Variants in SH3RF3 observed in about 807,000 individuals in gnomAD.
SH3RF3 encodes SH3 domain containing ring finger 3.
Under a neutral mutation model 66.3 loss-of-function variants are expected in SH3RF3, and 29 were observed. That is an observed-to-expected ratio of 0.44 (90% CI 0.33 to 0.60). SH3RF3 has a LOEUF of 0.60. Among genes scored for constraint, SH3RF3 ranks in the 20% least tolerant of loss-of-function variants. The pLI is 0.04. For missense variants in SH3RF3, 1,194 were observed against 1,190.9 expected, an observed-to-expected ratio of 1.00 and a Z score of -0.04; for synonymous variants, 583 against 532.0, an observed-to-expected ratio of 1.10 and a Z score of -1.32.
At chr2:109,481,569 A>G (rs976697304) in intron 8 of SH3RF3, among the ~76,000 whole-genome samples, 2 of 152,004 alleles carry the variant, frequency 1.3e-5, no homozygotes, top group African/African-American at 4.8e-5. Flanking sequence ...GTCCCATTGC[A>G]TCTTCCCTCT....
At chr2:109,269,888 C>T (rs866910185) in intron 1 of SH3RF3, among the ~76,000 whole-genome samples, 1 of 152,326 alleles carries the variant, frequency 6.6e-6, no homozygotes, top group African/African-American at 2.4e-5. Flanking sequence ...ATCCTCAGTC[C>T]CAGTGTCCCC....
chr2:109,259,951 C>T (rs1558987443), intron 1 of SH3RF3, among the ~76,000 whole-genome samples: 1 of 152,152 alleles, frequency 6.6e-6, no homozygotes, highest in Non-Finnish European at 1.5e-5. Context: ...TATCCATGTT[C>T]TCAGACGCCC....
At chr2:109,408,890 G>A (rs1332215802) in intron 4 of SH3RF3, among the ~76,000 whole-genome samples, 5 of 152,208 alleles carry the variant, frequency 3.3e-5, no homozygotes, top group Middle Eastern at 3.2e-3. Flanking sequence ...TACCATCAGA[G>A]GCAACAGGCG....
At chr2:109,356,931 G>T (rs1409844120) in intron 2 of SH3RF3, among the ~76,000 whole-genome samples, 3 of 152,112 alleles carry the variant, frequency 2.0e-5, no homozygotes, top group Admixed American at 6.5e-5. Flanking sequence ...GCCATGACTC[G>T]GTTCTGGACT....
At chr2:109,362,780 T>A (rs754517950) in intron 2 of SH3RF3, among the ~76,000 whole-genome samples, 3 of 152,240 alleles carry the variant, frequency 2.0e-5, no homozygotes, top group Non-Finnish European at 4.4e-5. Flanking sequence ...TAAGGATTAT[T>A]ATGTCTTCTT....
chr2:109,492,857 G>T (rs984878411), intron 9 of SH3RF3, among the ~76,000 whole-genome samples: 1 of 152,084 alleles, frequency 6.6e-6, no homozygotes, highest in African/African-American at 2.4e-5. Flanking sequence ...TCCAGGGGCT[G>T]CACCATTGTT....
At chr2:109,339,237 C>G (rs544097708) in intron 1 of SH3RF3, among the ~76,000 whole-genome samples, 41 of 144,220 alleles carry the variant, frequency 2.8e-4, no homozygotes, top group African/African-American at 1.0e-3. Flanking sequence ...TAAGTAGACC[C>G]TTGCAGTTTA....
At chr2:109,373,242 C>T (rs1272671909) in intron 3 of SH3RF3, among the ~76,000 whole-genome samples, 1 of 152,208 alleles carries the variant, frequency 6.6e-6, no homozygotes, top group African/African-American at 2.4e-5. Context: ...ACTTAATGCG[C>T]GAATACCACT....
intron 2 of SH3RF3, among the ~76,000 whole-genome samples, chr2:109,349,929 C>T (rs570299051): frequency 4.6e-5 from 7 of 152,338 alleles, no homozygotes; most frequent in Admixed American, 1.3e-4. Context: ...AGAAACATAC[C>T]GGGCCCTGAC....
chr2:109,469,362 C>T (rs1482602632), intron 8 of SH3RF3, among the ~76,000 whole-genome samples: 1 of 151,942 alleles, frequency 6.6e-6, no homozygotes, highest in Non-Finnish European at 1.5e-5. Context: ...CTTTACTAGC[C>T]CCCGTGCTTT....
At chr2:109,472,739 A>G (rs1367532085) in intron 8 of SH3RF3, among the ~76,000 whole-genome samples, 1 of 152,238 alleles carries the variant, frequency 6.6e-6, no homozygotes, top group Non-Finnish European at 1.5e-5. Context: ...ATCTGAATGC[A>G]TTCCATTTGA....
chr2:109,448,044 C>T (rs894896071), intron 7 of SH3RF3, among the ~76,000 whole-genome samples: 1 of 152,110 alleles, frequency 6.6e-6, no homozygotes, highest in African/African-American at 2.4e-5. Context: ...TTGTCCCCAG[C>T]CAAGGCAGCT....
intron 1 of SH3RF3, among the ~76,000 whole-genome samples, chr2:109,230,878 C>G (rs1679490925): frequency 6.6e-6 from 1 of 152,196 alleles, no homozygotes; most frequent in Non-Finnish European, 1.5e-5. Flanking sequence ...ATAGGACTCC[C>G]TTTGGGGGCT....
In SH3RF3 at chr2:109,214,554, T is replaced by C. The variant is rs1242576700; in HGVS notation, c.573+84441T>C. On this transcript the variant is annotated intron_variant, in intron 1 of 9. Transcript: ENST00000309415. ...GTGAGACAAGGACTAAGAAATTTCA[T>C]TGACATGAAACAAAAGGGGGATGAT... 3.3e-5 allele frequency among the ~76,000 whole-genome samples: 5 copies of C among 151,126 alleles called. No homozygotes were observed. In the East Asian group the frequency reaches 9.7e-4, roughly 29 times the overall value.
chr2:109,130,126 C>T lies in SH3RF3; in HGVS notation c.573+13C>T, dbSNP rs1001851335. 3 of 1,290,022 alleles carry T rather than the reference C, an allele frequency of 2.3e-6. No homozygotes were observed. Among genetic ancestry groups the T allele is most frequent in the Admixed American group, 8.2e-5 (2 of 24,272 alleles). The allele number at this position is 1,290,022 out of a possible 1,614,324, so 79.9% of individuals were successfully genotyped here. ...GCCGGCGGCAAAGGTGAGTATCTGT[C>T]TCGGCGGAAGTGGCCACGGCACGTG... On this transcript the variant is annotated intron_variant, in intron 1 of 9. Transcript: ENST00000309415.
At chr2:109,478,509 G>C (rs1024242694) in intron 8 of SH3RF3, among the ~76,000 whole-genome samples, 1 of 152,192 alleles carries the variant, frequency 6.6e-6, no homozygotes, top group Non-Finnish European at 1.5e-5. Flanking sequence ...CCATGAAAAT[G>C]TACTGAGGTT....
chr2:109,152,558 T>C (rs1216917681), intron 1 of SH3RF3, among the ~76,000 whole-genome samples: 3 of 152,214 alleles, frequency 2.0e-5, no homozygotes, highest in African/African-American at 4.8e-5. Flanking sequence ...GCATGGAAAT[T>C]GGATTTTTGC....
At chr2:109,467,023 G>A (rs1041419960) in intron 8 of SH3RF3, among the ~76,000 whole-genome samples, 1 of 152,214 alleles carries the variant, frequency 6.6e-6, no homozygotes, top group Non-Finnish European at 1.5e-5. Context: ...TAAAGGGTTA[G>A]GCTGAGAACC....
chr2:109,348,366 G>T (rs1390871082), intron 2 of SH3RF3, among the ~76,000 whole-genome samples: 2 of 152,230 alleles, frequency 1.3e-5, no homozygotes, highest in Non-Finnish European at 2.9e-5. Context: ...ACCCTGGTCA[G>T]CTCACAGGGA....
Sources: allele counts gnomAD v4.1 joint callset (sites outside exome capture counted in the v4.1 genomes callset), GRCh38; gene constraint gnomAD v4.1.1; transcripts MANE v1.5; gene names NCBI Gene and HGNC (gene_info 2026-07-23, HGNC 2026-07-21).